The following UBE2E2 variants were observed in gnomAD, a reference collection of about 807,000 sequenced individuals.
UBE2E2 encodes the protein ubiquitin-conjugating enzyme E2 E2.
A neutral mutation model predicts 24.7 loss-of-function variants in UBE2E2; 6 were observed. That is an observed-to-expected ratio of 0.24 (90% CI 0.13 to 0.48). The LOEUF is 0.48. Among genes scored for constraint, UBE2E2 ranks in the 20% least tolerant of loss-of-function variants. UBE2E2 has a pLI of 0.99. For missense variants in UBE2E2, 169 were observed against 245.0 expected (o/e 0.69, Z 2.07); for synonymous variants, 104 against 83.6 (o/e 1.24, Z -1.33).
At chr3:23,520,654 A>G (rs990779420) in intron 4 of UBE2E2, among the ~76,000 whole-genome samples, 1 of 152,186 alleles carries the variant, frequency 6.6e-6, no homozygotes, top group Admixed American at 6.5e-5. Context: ...CTATATTTTT[A>G]TTAGTTTTAG....
At chr3:23,442,049 G>A (rs1034191036) in intron 3 of UBE2E2, among the ~76,000 whole-genome samples, 1 of 152,050 alleles carries the variant, frequency 6.6e-6, no homozygotes, top group African/African-American at 2.4e-5. Flanking sequence ...ATTGTTGATT[G>A]TAACTTTGGA....
At chr3:23,466,319 A>G (rs941992900) in intron 3 of UBE2E2, among the ~76,000 whole-genome samples, 1 of 152,238 alleles carries the variant, frequency 6.6e-6, no homozygotes, top group Non-Finnish European at 1.5e-5. Flanking sequence ...TGTGGAAAAC[A>G]GTGGCCTGAA....
At chr3:23,507,060 A>G (rs1390553359) in intron 4 of UBE2E2, among the ~76,000 whole-genome samples, 4 of 152,220 alleles carry the variant, frequency 2.6e-5, no homozygotes, top group African/African-American at 4.8e-5. Context: ...ACAGTTTTCA[A>G]AGTGCCAGCC....
chr3:23,409,142 T>C (rs745505782), intron 3 of UBE2E2, among the ~76,000 whole-genome samples: 4 of 152,186 alleles, frequency 2.6e-5, no homozygotes, highest in African/African-American at 4.8e-5. Flanking sequence ...ATGTGGATTG[T>C]GTTGCCATTC....
chr3:23,555,034 G>A (rs186054958), intron 5 of UBE2E2, among the ~76,000 whole-genome samples: 57 of 151,934 alleles, frequency 3.8e-4, no homozygotes, highest in Admixed American at 1.5e-3. Context: ...TGCTGCCTCA[G>A]CCTCCTGAGT....
intron 3 of UBE2E2, among the ~76,000 whole-genome samples, chr3:23,370,525 G>T (rs1575590733): frequency 6.6e-6 from 1 of 152,080 alleles, no homozygotes; most frequent in Non-Finnish European, 1.5e-5. Context: ...AAATATTATA[G>T]GAAATATAGA....
Position 23,544,937 on chromosome 3 carries a change from G to A in UBE2E2, c.508+12236G>A, listed in dbSNP as rs369473673. 1.4e-3 allele frequency among the ~76,000 whole-genome samples: 210 copies of A among 152,230 alleles called. 3 individuals are homozygous for A. In the East Asian group the frequency reaches 0.015, roughly 11 times the overall value. On this transcript the variant is annotated intron_variant, in intron 5 of 5. Transcript: ENST00000396703. ...GACAAACACGTGAACAAAGGTCTTT[G>A]CATCATAGACAAGGTAAAGAATCAA...
chr3:23,333,907 C>CT (rs774017369), intron 3 of UBE2E2, among the ~76,000 whole-genome samples: 2 of 152,132 alleles, frequency 1.3e-5, no homozygotes, highest in African/African-American at 2.4e-5. Flanking sequence ...CTAGTAAATA[C>CT]TAGAATCTGA....
At chr3:23,203,309 T>G, upstream of UBE2E2, 1 of 986,596 alleles carries the variant, frequency 1.0e-6, no homozygotes, top group Non-Finnish European at 1.2e-6. Flanking sequence ...CGTGGTCGGG[T>G]GCGTGGTGCG....
Position 23,479,542 on chromosome 3 carries a change from A to AG in UBE2E2, c.228-20059dup, listed in dbSNP as rs547001993. Among the ~76,000 whole-genome samples, 393 of 151,688 alleles carry AG rather than the reference A, an allele frequency of 2.6e-3. 3 individuals carry two copies. Among genetic ancestry groups the AG allele is most frequent in the East Asian group, 0.012 (62 of 5,146 alleles). ...CCCACAAGATGGTGAGTTGGGGGGT[A>AG]GGGGGGGTATGTTTCAGCACTGTTT... On this transcript the variant is annotated intron_variant, in intron 3 of 5. Coordinates refer to ENST00000396703, the MANE Select transcript of UBE2E2 (RefSeq NM_152653.4).
intron 3 of UBE2E2, among the ~76,000 whole-genome samples, chr3:23,318,227 T>C (rs1460301140): frequency 6.6e-6 from 1 of 152,108 alleles, no homozygotes; most frequent in East Asian, 1.9e-4. Flanking sequence ...TGCAGTGGTG[T>C]GATCACAGCT....
chr3:23,286,433 C>G (rs942139424), intron 3 of UBE2E2, among the ~76,000 whole-genome samples: 1 of 152,102 alleles, frequency 6.6e-6, no homozygotes, highest in Non-Finnish European at 1.5e-5. Flanking sequence ...ATGTTCTTGG[C>G]ACCTTTGTCA....
At chr3:23,326,432 A>C (rs9822422) in intron 3 of UBE2E2, among the ~76,000 whole-genome samples, 62,018 of 152,054 alleles carry the variant, frequency 0.41, 13,358 homozygotes, top group Admixed American at 0.54. Context: ...AAGATTTTTC[A>C]AAACATTTTT....
intron 3 of UBE2E2, among the ~76,000 whole-genome samples, chr3:23,227,596 T>C (rs1307324167): frequency 1.3e-5 from 2 of 152,240 alleles, no homozygotes; most frequent in East Asian, 3.8e-4. Context: ...ATATTTTTAA[T>C]TCAATCCTGT....
intron 3 of UBE2E2, among the ~76,000 whole-genome samples, chr3:23,291,856 T>TG (rs1275779114): frequency 9.4e-6 from 1 of 105,912 alleles, no homozygotes; most frequent in Non-Finnish European, 2.0e-5. Context: ...CTAATTTTTT[T>TG]TTTTTTTTTT....
chr3:23,246,387 A>ATTTTTTTTTTTTTTT (rs35802594), intron 3 of UBE2E2, among the ~76,000 whole-genome samples: 1 of 122,476 alleles, frequency 8.2e-6, no homozygotes, highest in Non-Finnish European at 1.7e-5. Context: ...TGCCTGGCTA[A>ATTTTTTTTTTTTTTT]TTTTTTTTTT....
chr3:23,229,210 A>G (rs1279433901), intron 3 of UBE2E2, among the ~76,000 whole-genome samples: 3 of 152,238 alleles, frequency 2.0e-5, no homozygotes, highest in Non-Finnish European at 4.4e-5. Context: ...TATTTGAAGC[A>G]GTGTGCTAAA....
At chr3:23,504,287 G>A (rs919425705) in intron 4 of UBE2E2, among the ~76,000 whole-genome samples, 1 of 152,090 alleles carries the variant, frequency 6.6e-6, no homozygotes, top group Non-Finnish European at 1.5e-5. Context: ...CAGTTAGAAA[G>A]GGTGCCTAGT....
At chr3:23,291,488 C>G (rs1254896716) in intron 3 of UBE2E2, among the ~76,000 whole-genome samples, 1 of 152,040 alleles carries the variant, frequency 6.6e-6, no homozygotes, top group Non-Finnish European at 1.5e-5. Context: ...GCATTTGTTA[C>G]TCAGTAGGTT....
Sources: allele counts gnomAD v4.1 joint callset (sites outside exome capture counted in the v4.1 genomes callset), GRCh38; gene constraint gnomAD v4.1.1; transcripts MANE v1.5; gene names NCBI Gene and HGNC (gene_info 2026-07-23, HGNC 2026-07-21).